The following ADAM10 variants were observed in gnomAD, a reference collection of about 807,000 sequenced individuals.
ADAM10 encodes disintegrin and metalloproteinase domain-containing protein 10.
ADAM10 carries 17 observed loss-of-function variants against 90.1 expected under a neutral mutation model. That is an observed-to-expected ratio of 0.19 (90% CI 0.13 to 0.28). ADAM10 has a LOEUF of 0.28. Among genes scored for constraint, ADAM10 ranks in the 10% least tolerant of loss-of-function variants. The pLI is 1.00. For synonymous variants in ADAM10, 310 were observed against 298.6 expected (o/e 1.04, Z -0.40); for missense variants, 610 against 914.3 (o/e 0.67, Z 4.29).
chr15:58,713,869 G>A (rs1242885799), intron 2 of ADAM10, among the ~76,000 whole-genome samples: 1 of 151,262 alleles, frequency 6.6e-6, no homozygotes, highest in Non-Finnish European at 1.5e-5. Context: ...CTGGACTGCA[G>A]TGGCGTGATC....
chr15:58,710,140 G>A (rs952759409), intron 2 of ADAM10, among the ~76,000 whole-genome samples: 8 of 152,102 alleles, frequency 5.3e-5, no homozygotes, highest in Non-Finnish European at 7.4e-5. Flanking sequence ...TTAGCTGGGT[G>A]TGGTGGTGCA....
intron 2 of ADAM10, among the ~76,000 whole-genome samples, chr15:58,717,232 C>A (rs1427774237): frequency 3.3e-5 from 5 of 152,084 alleles, no homozygotes; most frequent in Admixed American, 6.6e-5. Flanking sequence ...TAAGTAGTTA[C>A]CTTCACTGCT....
intron 1 of ADAM10, among the ~76,000 whole-genome samples, chr15:58,742,513 T>C (rs1478524949): frequency 6.6e-6 from 1 of 152,220 alleles, no homozygotes; most frequent in African/African-American, 2.4e-5. Context: ...AGCTTCAAAA[T>C]GAATTCACTC....
At chr15:58,730,175 G>A (rs1400721233) in intron 1 of ADAM10, among the ~76,000 whole-genome samples, 1 of 152,158 alleles carries the variant, frequency 6.6e-6, no homozygotes, top group Non-Finnish European at 1.5e-5. Flanking sequence ...TTGCTTTAAT[G>A]TAAGCATTTA....
chr15:58,720,267 C>G (rs1212344504), intron 1 of ADAM10, among the ~76,000 whole-genome samples: 2 of 152,186 alleles, frequency 1.3e-5, no homozygotes, highest in Middle Eastern at 3.4e-3. Context: ...ACACTCCTCC[C>G]AAGAGAGGTG....
intron 12 of ADAM10, chr15:58,611,335 C>A (rs758071227): frequency 1.2e-4 from 61 of 505,466 alleles, no homozygotes; most frequent in Non-Finnish European, 2.0e-4. Flanking sequence ...GCAATGGCAA[C>A]TTAAAAAAAT....
rs552706423 is a variant in ADAM10 at position 58,589,933 on chromosome 15, C to A, written c.*7614G>T. The A allele has an allele frequency of 7.2e-5, 11 of 152,036 alleles. No individual in the cohort carries two copies. The South Asian group carries it at 2.3e-3, about 32-fold the overall frequency. 9.4% of individuals were successfully genotyped at this position (152,036 alleles called of 1,614,324 possible). A position where few individuals can be genotyped will look rare whatever the true frequency, so the allele number is the denominator to read the frequency against. ...CCTGCCAAAGTACAAGCCAGCTCTT[C>A]AGCAAATGAATGCAATGCAAAGCAA... On this transcript the variant is annotated 3_prime_UTR_variant, in exon 16 of 16. Transcript: ENST00000260408.
intron 2 of ADAM10, among the ~76,000 whole-genome samples, chr15:58,686,155 G>C (rs1361541076): frequency 1.3e-5 from 2 of 152,164 alleles, no homozygotes; most frequent in African/African-American, 4.8e-5. Context: ...CATAAAGAGA[G>C]ACTCCACAAA....
intron 14 of ADAM10, among the ~76,000 whole-genome samples, chr15:58,602,641 CAT>C (rs1349766744): frequency 5.3e-5 from 8 of 152,034 alleles, no homozygotes; most frequent in African/African-American, 1.9e-4. Context: ...CACACATATT[CAT>C]ATATATATTC....
At chr15:58,603,070 A>C (rs1362386005) in intron 14 of ADAM10, among the ~76,000 whole-genome samples, 1 of 152,202 alleles carries the variant, frequency 6.6e-6, no homozygotes, top group African/African-American at 2.4e-5. Flanking sequence ...CTACTTTCTA[A>C]AAGCCACTTC....
intron 2 of ADAM10, among the ~76,000 whole-genome samples, chr15:58,696,454 TTTTC>T (rs1158456484): frequency 1.3e-5 from 2 of 149,778 alleles, no homozygotes; most frequent in South Asian, 2.1e-4. Flanking sequence ...TGATTTCTTT[TTTTC>T]TTTCTTTCTT....
At chr15:58,712,055 T>A (rs1278042837) in intron 2 of ADAM10, among the ~76,000 whole-genome samples, 1 of 152,158 alleles carries the variant, frequency 6.6e-6, no homozygotes, top group Non-Finnish European at 1.5e-5. Flanking sequence ...AATCTTGCAA[T>A]GAAGTTTTTC....
In ADAM10 at chr15:58,597,071, G is replaced by A; in HGVS notation, c.*476C>T. 1 of 260,918 alleles carries A rather than the reference G, an allele frequency of 3.8e-6. No homozygotes were observed. Among genetic ancestry groups the A allele is most frequent in the South Asian group, 4.9e-5 (1 of 20,518 alleles). 16.2% of individuals were successfully genotyped at this position (260,918 alleles called of 1,614,324 possible). A position where few individuals can be genotyped will look rare whatever the true frequency, so the allele number is the denominator to read the frequency against. On this transcript the variant is annotated 3_prime_UTR_variant, in exon 16 of 16. Transcript: ENST00000260408. ...TTACAATTGCACACAGAAGTACAGT[G>A]TACGTAAGAAATACATGTCTGCATA...
intron 2 of ADAM10, chr15:58,692,807 C>T (rs751708890): frequency 1.6e-6 from 1 of 636,054 alleles, no homozygotes; most frequent in East Asian, 4.1e-5. Context: ...TAAAAGCCAA[C>T]ACCAAATTGC....
chr15:58,749,368 G>GGC, intron 1 of ADAM10, 112 bp downstream of exon 1: 1 of 1,208,896 alleles, frequency 8.3e-7, no homozygotes, highest in South Asian at 4.1e-5. Context: ...TGGCGCCGCT[G>GGC]GCCGGCTGGG....
intron 2 of ADAM10, among the ~76,000 whole-genome samples, chr15:58,715,695 C>T (rs544426594): frequency 2.6e-4 from 40 of 152,288 alleles, no homozygotes; most frequent in African/African-American, 9.1e-4. Context: ...TTTTGGACAA[C>T]TACATGGCAG....
chr15:58,730,956 C>T (rs1251905815), intron 1 of ADAM10, among the ~76,000 whole-genome samples: 1 of 152,186 alleles, frequency 6.6e-6, no homozygotes. Flanking sequence ...TAAAATGAGC[C>T]ATACTACCAG....
At chr15:58,717,473 G>A (rs957470857) in intron 2 of ADAM10, 104 bp downstream of exon 2, 3 of 1,421,832 alleles carry the variant, frequency 2.1e-6, no homozygotes, top group Non-Finnish European at 2.9e-6. Flanking sequence ...ATTTCCAAAT[G>A]AAGACCTTGC....
chr15:58,634,485 T>G (rs1896195719), intron 8 of ADAM10, among the ~76,000 whole-genome samples: 1 of 152,224 alleles, frequency 6.6e-6, no homozygotes, highest in Non-Finnish European at 1.5e-5. Flanking sequence ...GTACTTCATC[T>G]ATTCATTAAC....
Sources: gnomAD v4.1 joint callset for allele counts (sites outside exome capture counted in the v4.1 genomes callset) on GRCh38, gnomAD v4.1.1 for gene constraint, MANE v1.5 for transcripts, NCBI Gene and HGNC (gene_info 2026-07-23, HGNC 2026-07-21) for gene names.